Variants in ATRNL1 observed in about 807,000 individuals in gnomAD.
The protein encoded by ATRNL1 is attractin-like protein 1.
In ATRNL1, 95 loss-of-function variants were observed where a neutral mutation model predicts 182.7. That is an observed-to-expected ratio of 0.52 (90% CI 0.44 to 0.62). The LOEUF (loss-of-function observed/expected upper bound fraction) is 0.62, where lower values mean the gene tolerates loss of function less well. ATRNL1 is among the 20% of genes least tolerant of loss of function. The probability of loss-of-function intolerance (pLI) is 0.00; values close to 1 mark genes in which losing one functional copy is unlikely to be tolerated. For missense variants in ATRNL1, 1,471 were observed against 1,679.5 expected, an observed-to-expected ratio of 0.88 and a Z score of 2.17; for synonymous variants, 576 against 568.3, an observed-to-expected ratio of 1.01 and a Z score of -0.19.
chr10:115,770,542 G>A (rs1555076113), intron 27 of ATRNL1, among the ~76,000 whole-genome samples: 1 of 152,082 alleles, frequency 6.6e-6, no homozygotes, highest in Non-Finnish European at 1.5e-5. Flanking sequence ...GCATATTGAG[G>A]CATAGATCTT....
At chr10:115,430,645 C>T (rs535656880) in intron 21 of ATRNL1, among the ~76,000 whole-genome samples, 102 of 152,236 alleles carry the variant, frequency 6.7e-4, no homozygotes, top group African/African-American at 2.4e-3. Context: ...TTTAGATCCT[C>T]ACCCTCCTCC....
At chr10:115,337,020 A>AT (rs540264455) in intron 19 of ATRNL1, among the ~76,000 whole-genome samples, 2,271 of 138,344 alleles carry the variant, frequency 0.016, 43 homozygotes, top group African/African-American at 0.045. Flanking sequence ...TGCCTAGCTA[A>AT]TTTTTTTTTT....
At chr10:115,255,732 G>T (rs1334123694) in intron 10 of ATRNL1, among the ~76,000 whole-genome samples, 4 of 152,160 alleles carry the variant, frequency 2.6e-5, no homozygotes, top group Non-Finnish European at 5.9e-5. Flanking sequence ...CAAAGGGAAT[G>T]CTTCCAGGTT....
At chr10:115,724,191 C>A (rs994272355) in intron 26 of ATRNL1, among the ~76,000 whole-genome samples, 25 of 152,196 alleles carry the variant, frequency 1.6e-4, no homozygotes, top group African/African-American at 5.8e-4. Flanking sequence ...TAAGAAAATA[C>A]GATACAGTTT....
rs141788943 is a variant in ATRNL1, at chr10:115,541,622, T to C, written c.3717-7836T>C. 2.6e-3 allele frequency among the ~76,000 whole-genome samples: 400 copies of C among 152,000 alleles called. 1 individual carries two copies. Among genetic ancestry groups the C allele is most frequent in the African/African-American group, 9.0e-3 (375 of 41,456 alleles). On this transcript the variant is annotated intron_variant, in intron 25 of 28. Coordinates refer to ENST00000355044, the MANE Select transcript of ATRNL1 (RefSeq NM_207303.4). ...GAATAATCAAAATACCCAAAAATAATAGAATGGAAAAATATACTCATATAA... is the reference window on the plus strand; with the variant it reads ...GAATAATCAAAATACCCAAAAATAACAGAATGGAAAAATATACTCATATAA...
intron 24 of ATRNL1, among the ~76,000 whole-genome samples, chr10:115,516,513 T>C (rs1436686832): frequency 6.6e-6 from 1 of 151,908 alleles, no homozygotes; most frequent in African/African-American, 2.4e-5. Context: ...TATTTCTTTC[T>C]CACCCAACAG....
Position 115,367,807 on chromosome 10 carries a change from G to T in ATRNL1, c.3176-26852G>T, listed in dbSNP as rs544955442. 6.3e-5 allele frequency among the ~76,000 whole-genome samples: 9 copies of T among 143,962 alleles called. No individual in the cohort carries two copies. In the East Asian group the frequency reaches 7.9e-4, roughly 13 times the overall value. The allele number at this position is 143,962 out of a possible 152,430, so 94.4% of individuals were successfully genotyped here. On this transcript the variant is annotated intron_variant, in intron 19 of 28. Transcript: ENST00000355044. ...GAGGTGTCAAGTGTGCCCCTGCTGGGGGGTGCCTCCCAGTTAGGCTGCTCG... is the reference window on the plus strand; with the variant it reads ...GAGGTGTCAAGTGTGCCCCTGCTGGTGGGTGCCTCCCAGTTAGGCTGCTCG...
At chr10:115,462,535 C>T (rs774087911) in intron 22 of ATRNL1, among the ~76,000 whole-genome samples, 15 of 152,024 alleles carry the variant, frequency 9.9e-5, no homozygotes, top group Non-Finnish European at 1.9e-4. Flanking sequence ...TTGCTTGAAC[C>T]CAGGAGGTGG....
chr10:115,725,364 G>A (rs781869465), intron 26 of ATRNL1, among the ~76,000 whole-genome samples: 2 of 152,108 alleles, frequency 1.3e-5, no homozygotes, highest in African/African-American at 2.4e-5. Flanking sequence ...ACGATTGTGA[G>A]TTTGGAATAT....
At chr10:115,466,224 A>G (rs1173548395) in intron 22 of ATRNL1, among the ~76,000 whole-genome samples, 1 of 151,436 alleles carries the variant, frequency 6.6e-6, no homozygotes, top group Non-Finnish European at 1.5e-5. Context: ...TATATTTTCT[A>G]TTGGCTTACC....
At chr10:115,136,144 G>A (rs1301936540) in intron 5 of ATRNL1, among the ~76,000 whole-genome samples, 1 of 151,976 alleles carries the variant, frequency 6.6e-6, no homozygotes, top group Non-Finnish European at 1.5e-5. Context: ...GACTACTCGA[G>A]GGCACACAAG....
In ATRNL1 at chr10:115,624,212, TA is replaced by T. The variant is rs1173280630; in HGVS notation, c.3795+74680del. On this transcript the variant is annotated intron_variant, in intron 26 of 28. Coordinates refer to ENST00000355044, the MANE Select transcript of ATRNL1 (RefSeq NM_207303.4). ...TTCAATAGCATACAATAATAAATTTTAAAATACTTCAAGTTATATTAAGTAC... is the reference window on the plus strand; with the variant it reads ...TTCAATAGCATACAATAATAAATTTTAAATACTTCAAGTTATATTAAGTAC... 7.9e-5 allele frequency among the ~76,000 whole-genome samples: 12 copies of T among 152,090 alleles called. 1 individual carries two copies. The East Asian group carries it at 1.5e-3, about 20-fold the overall frequency.
At chr10:115,519,226 G>GAACA in intron 24 of ATRNL1, 37 bp from the exon 25 acceptor site, 1 of 1,539,218 alleles carries the variant, frequency 6.5e-7, no homozygotes, top group South Asian at 1.1e-5. Flanking sequence ...TTTTAGAGAA[G>GAACA]AACATACTTT....
chr10:115,916,669 A>G (rs1226690369), intron 28 of ATRNL1, among the ~76,000 whole-genome samples: 1 of 152,144 alleles, frequency 6.6e-6, no homozygotes, highest in African/African-American at 2.4e-5. Context: ...TTATTTGAAT[A>G]TTTCTTTAGG....
intron 8 of ATRNL1, among the ~76,000 whole-genome samples, chr10:115,174,033 T>G (rs1162851794): frequency 6.6e-6 from 1 of 151,740 alleles, no homozygotes; most frequent in African/African-American, 2.4e-5. Flanking sequence ...CTTTATTTTA[T>G]TTTTTTGTGG....
intron 19 of ATRNL1, among the ~76,000 whole-genome samples, chr10:115,363,278 G>A (rs1856845492): frequency 6.6e-6 from 1 of 152,168 alleles, no homozygotes. Flanking sequence ...GTGATGATGA[G>A]CATTTTTTCA....
At chr10:115,587,294 G>T (rs1555010342) in intron 26 of ATRNL1, among the ~76,000 whole-genome samples, 1 of 152,170 alleles carries the variant, frequency 6.6e-6, no homozygotes, top group Non-Finnish European at 1.5e-5. Context: ...AGTTCAGTTG[G>T]AGCTCCCTGG....
intron 26 of ATRNL1, among the ~76,000 whole-genome samples, chr10:115,725,474 A>AG (rs1213163150): frequency 6.6e-6 from 1 of 152,192 alleles, no homozygotes; most frequent in Admixed American, 6.5e-5. Context: ...ATGAGGAAAA[A>AG]GAAGCTGTTC....
intron 15 of ATRNL1, 69 bp downstream of exon 15, chr10:115,286,466 T>G (rs1852619247): frequency 3.5e-6 from 4 of 1,153,364 alleles, no homozygotes. Flanking sequence ...GAAATTTTTT[T>G]TTGGTTTTAA....
Sources: gnomAD v4.1 joint callset for allele counts (sites outside exome capture counted in the v4.1 genomes callset) on GRCh38, gnomAD v4.1.1 for gene constraint, MANE v1.5 for transcripts, NCBI Gene and HGNC (gene_info 2026-07-23, HGNC 2026-07-21) for gene names.